Variants in CEP72 observed in about 807,000 individuals in gnomAD.
CEP72 encodes the protein centrosomal protein of 72 kDa.
Under a neutral mutation model 65.7 loss-of-function variants are expected in CEP72, and 78 were observed. The ratio of observed to expected loss-of-function variants is 1.19; its 90% CI spans 0.99 to 1.43. The LOEUF (loss-of-function observed/expected upper bound fraction) is 1.43. CEP72 is among the 40% of genes most tolerant of loss of function. The pLI is 0.00. For synonymous variants in CEP72, 358 were observed against 351.7 expected, an observed-to-expected ratio of 1.02 and a Z score of -0.20; for missense variants, 914 against 832.9, an observed-to-expected ratio of 1.10 and a Z score of -1.20.
At chr5:627,646 C>T (rs967980128) in intron 4 of CEP72, among the ~76,000 whole-genome samples, 2 of 152,058 alleles carry the variant, frequency 1.3e-5, no homozygotes, top group African/African-American at 4.8e-5. Context: ...GCTCTTTTGT[C>T]TGCCATTTTT....
chr5:663,229 C>G lies in CEP72; in HGVS notation n.131-187C>G, dbSNP rs577655995. 2.6e-5 allele frequency: 4 copies of G among 152,094 alleles called. No individual in the cohort carries two copies. The East Asian group carries it at 7.5e-4, about 29-fold the overall frequency. The allele number at this position is 152,094 out of a possible 1,614,324, so 9.4% of individuals were successfully genotyped here. On this transcript the variant is annotated intron_variant and non_coding_transcript_variant, in intron 1 of 4. Coordinates refer to the CEP72 transcript ENST00000514507. Reference sequence around the variant, plus strand: ...TCGTCTGTGATCGGGTGATTCCGAACCGCACATTCAGAGTTGTTTTCAAAT... The same window carrying G: ...TCGTCTGTGATCGGGTGATTCCGAAGCGCACATTCAGAGTTGTTTTCAAAT...
intron 1 of CEP72, among the ~76,000 whole-genome samples, chr5:615,503 G>GATA (rs1735937794): frequency 6.6e-6 from 1 of 152,074 alleles, no homozygotes; most frequent in Non-Finnish European, 1.5e-5. Context: ...TGTTGTTACG[G>GATA]TAGCTTCTTT....
intron 1 of CEP72, among the ~76,000 whole-genome samples, chr5:615,106 T>C (rs1177458610): frequency 6.6e-6 from 1 of 151,370 alleles, no homozygotes; most frequent in Non-Finnish European, 1.5e-5. Context: ...CTTAGTGGAC[T>C]GACCCTTTTA....
intron 5 of CEP72, 114 bp downstream of exon 5, chr5:634,061 T>C (rs1320893234): frequency 9.9e-6 from 9 of 908,762 alleles, no homozygotes; most frequent in Non-Finnish European, 1.5e-5. Flanking sequence ...CCTTGAAGGA[T>C]AGGATCTTCA....
downstream of CEP72, among the ~76,000 whole-genome samples, chr5:669,640 C>T (rs1740123667): frequency 6.6e-6 from 1 of 152,192 alleles, no homozygotes; most frequent in Non-Finnish European, 1.5e-5. Flanking sequence ...CAGGCACCAC[C>T]AGCATGAGTC....
At chr5:631,490 A>C (rs373028657) in intron 4 of CEP72, among the ~76,000 whole-genome samples, 4 of 37,042 alleles carry the variant, frequency 1.1e-4, no homozygotes, top group South Asian at 1.6e-3. Context: ...CGGGATTTGG[A>C]CCAGTCCTGG....
chr5:668,794 G>A (rs1442586008), downstream of CEP72, among the ~76,000 whole-genome samples: 1 of 152,230 alleles, frequency 6.6e-6, no homozygotes, highest in African/African-American at 2.4e-5. Flanking sequence ...CTTCAGCAGC[G>A]GCCAGACCAC....
At chr5:660,949 A>T (rs1292306100), downstream of CEP72, 1 of 152,270 alleles carries the variant, frequency 6.6e-6, no homozygotes, top group Non-Finnish European at 1.5e-5. Flanking sequence ...CTTGGACAGG[A>T]TATTAGAAGG....
downstream of CEP72, chr5:657,169 G>C (rs1269190166): frequency 1.3e-5 from 2 of 152,164 alleles, no homozygotes; most frequent in Admixed American, 1.3e-4. Context: ...TTGTGGCCCA[G>C]CTATACTACC....
At chr5:640,282 C>T in intron 8 of CEP72, 126 bp from the exon 9 acceptor site, 1 of 1,314,148 alleles carries the variant, frequency 7.6e-7, no homozygotes, top group South Asian at 1.5e-5. Flanking sequence ...ACACCCCTTT[C>T]CCCTCTCCCT....
intron 4 of CEP72, among the ~76,000 whole-genome samples, chr5:633,159 A>G (rs1165177460): frequency 6.2e-4 from 39 of 62,798 alleles, no homozygotes; most frequent in South Asian, 1.3e-3. Context: ...CAGTGCCGGG[A>G]TTTGGCCCAG....
chr5:627,626 A>C (rs1279246078), intron 4 of CEP72, among the ~76,000 whole-genome samples: 1 of 152,204 alleles, frequency 6.6e-6, no homozygotes, highest in East Asian at 1.9e-4. Flanking sequence ...ACGGAGGGCT[A>C]GAATTTGGAG....
chr5:612,726 G>A, intron 1 of CEP72: 3 of 785,728 alleles, frequency 3.8e-6, no homozygotes, highest in Non-Finnish European at 4.6e-6. Context: ...CTGAGAAGAG[G>A]GAGCCGGCCT....
At chr5:612,512 C>T in intron 1 of CEP72, 69 bp downstream of exon 1, 2 of 1,331,852 alleles carry the variant, frequency 1.5e-6, no homozygotes, top group Admixed American at 3.6e-5. Context: ...CTTCCCGGGG[C>T]GGCGGCGGAC....
intron 10 of CEP72, among the ~76,000 whole-genome samples, chr5:644,885 C>T (rs1738312010): frequency 6.6e-6 from 1 of 152,184 alleles, no homozygotes; most frequent in African/African-American, 2.4e-5. Flanking sequence ...CTGCTGTGGT[C>T]AAGATGCAGA....
At chr5:651,323 G>GTGGACTGTGAGATGTGACTGTGAGGCA (rs1468034500) in intron 11 of CEP72, among the ~76,000 whole-genome samples, 5,379 of 91,980 alleles carry the variant, frequency 0.058, 829 homozygotes, top group East Asian at 0.17. Context: ...ACTGTGAGGC[G>GTGGACTGTGAGATGTGACTGTGAGGCA]TGGACTGTGA....
intron 11 of CEP72, 144 bp from the exon 12 acceptor site, chr5:652,844 G>A (rs1037909207): frequency 3.4e-6 from 3 of 888,214 alleles, no homozygotes; most frequent in Non-Finnish European, 4.9e-6. Flanking sequence ...GACACAGAAG[G>A]TGATGGGGCC....
At chr5:650,810 G>A (rs566407350) in intron 11 of CEP72, among the ~76,000 whole-genome samples, 5 of 53,744 alleles carry the variant, frequency 9.3e-5, no homozygotes, top group South Asian at 7.9e-4. Flanking sequence ...TGGACTGTGA[G>A]GTGTGACTGT....
chr5:662,564 C>T (rs1291957313), intron 1 of CEP72: 1 of 152,526 alleles, frequency 6.6e-6, no homozygotes, highest in Non-Finnish European at 1.5e-5. Flanking sequence ...AGGGCGAGGT[C>T]CTCTGGAGTC....
Sources: allele counts gnomAD v4.1 joint callset (sites outside exome capture counted in the v4.1 genomes callset), GRCh38; gene constraint gnomAD v4.1.1; transcripts MANE v1.5; gene names NCBI Gene and HGNC (gene_info 2026-07-23, HGNC 2026-07-21).